SAMMSON: variants seen among roughly 807,000 people sequenced by gnomAD.
The protein encoded by SAMMSON is survival associated mitochondrial melanoma specific oncogenic non-coding RNA.
intron 9 of SAMMSON, among the ~76,000 whole-genome samples, chr3:70,359,232 C>T (rs1467872879): frequency 6.6e-6 from 1 of 152,114 alleles, no homozygotes; most frequent in Non-Finnish European, 1.5e-5. Flanking sequence ...TGGTATGTAA[C>T]TTAATGTGAG....
At chr3:70,132,905 A>C (rs988556699) in intron 4 of SAMMSON, among the ~76,000 whole-genome samples, 1 of 152,156 alleles carries the variant, frequency 6.6e-6, no homozygotes, top group Non-Finnish European at 1.5e-5. Flanking sequence ...GCAAATGTAC[A>C]TTCCCATCGC....
intron 4 of SAMMSON, among the ~76,000 whole-genome samples, chr3:70,243,468 C>T (rs925766773): frequency 6.6e-6 from 1 of 152,190 alleles, no homozygotes; most frequent in Non-Finnish European, 1.5e-5. Context: ...ATCCTACTCA[C>T]TGCACTGCTG....
chr3:70,195,154 G>T lies in SAMMSON; in HGVS notation n.508-53953G>T, dbSNP rs1179860806. Among the ~76,000 whole-genome samples, 3 of 152,090 alleles carry T rather than the reference G, an allele frequency of 2.0e-5. No individual in the cohort carries two copies. The East Asian group carries it at 5.8e-4, about 29-fold the overall frequency. ...GTTCATGGGGCCTCTCTTTTCCCCT[G>T]TGAAATATAAAAAGGTTGCATAAGA... On this transcript the variant is annotated intron_variant and non_coding_transcript_variant, in intron 4 of 9. Transcript: ENST00000642114.
Position 70,206,744 on chromosome 3 carries a change from A to AT in SAMMSON, n.508-42361dup, listed in dbSNP as rs1162214592. 16 of 397,898 alleles carry AT rather than the reference A, an allele frequency of 4.0e-5. No homozygotes were observed. The East Asian group carries it at 5.7e-4, about 14-fold the overall frequency. 24.6% of individuals were successfully genotyped at this position (397,898 alleles called of 1,614,324 possible). On this transcript the variant is annotated intron_variant and non_coding_transcript_variant, in intron 4 of 9. Coordinates refer to ENST00000642114, the Ensembl canonical transcript of SAMMSON. The stretch of plus-strand genomic sequence containing the variant: ...CAGATACTGAATTTATAACAATAGC[A>AT]TTAATGGGTTTCTCATCTGCATGCT...
At chr3:70,035,000 G>C (rs1159665986) in intron 3 of SAMMSON, among the ~76,000 whole-genome samples, 1 of 152,152 alleles carries the variant, frequency 6.6e-6, no homozygotes, top group Non-Finnish European at 1.5e-5. Context: ...TGACCTCACA[G>C]ATATATAGAT....
At chr3:70,138,820 T>C (rs1319517162) in intron 4 of SAMMSON, among the ~76,000 whole-genome samples, 7 of 152,154 alleles carry the variant, frequency 4.6e-5, no homozygotes, top group Admixed American at 1.3e-4. Flanking sequence ...AAATCAAACA[T>C]ATAATGTGCT....
At chr3:70,112,828 GCTGATAT>G (rs1284746750) in intron 4 of SAMMSON, among the ~76,000 whole-genome samples, 1 of 152,162 alleles carries the variant, frequency 6.6e-6, no homozygotes, top group Non-Finnish European at 1.5e-5. Flanking sequence ...AAAGACACTT[GCTGATAT>G]AGCAGACTTG....
intron 4 of SAMMSON, among the ~76,000 whole-genome samples, chr3:70,078,448 A>T (rs2067256521): frequency 6.6e-6 from 1 of 152,000 alleles, no homozygotes; most frequent in South Asian, 2.1e-4. Flanking sequence ...CTGATTCCAG[A>T]TCATGCTTTT....
chr3:70,071,012 C>G (rs1021793206), intron 3 of SAMMSON, among the ~76,000 whole-genome samples: 6 of 151,806 alleles, frequency 4.0e-5, no homozygotes, highest in African/African-American at 1.5e-4. Flanking sequence ...CAATCATTTT[C>G]TTTTTTGACT....
intron 4 of SAMMSON, among the ~76,000 whole-genome samples, chr3:70,137,283 A>T (rs568130926): frequency 2.2e-3 from 334 of 152,312 alleles, no homozygotes; most frequent in Non-Finnish European, 3.9e-3. Context: ...AATTTATTTT[A>T]AAAAAACTCC....
At chr3:70,222,292 C>T (rs6796982) in intron 4 of SAMMSON, among the ~76,000 whole-genome samples, 68,755 of 151,938 alleles carry the variant, frequency 0.45, 15,813 homozygotes, top group East Asian at 0.71. Flanking sequence ...ACTTCAGGTC[C>T]TCTACTTTGG....
chr3:70,239,478 T>G (rs2106640382), intron 4 of SAMMSON, among the ~76,000 whole-genome samples: 2 of 152,200 alleles, frequency 1.3e-5, no homozygotes, highest in South Asian at 2.1e-4. Context: ...TTGAAGTTCA[T>G]GGTTTGATCA....
intron 4 of SAMMSON, among the ~76,000 whole-genome samples, chr3:70,103,333 G>A (rs2067353258): frequency 6.6e-6 from 1 of 152,134 alleles, no homozygotes; most frequent in African/African-American, 2.4e-5. Context: ...CAGATTGAGG[G>A]AGAGGGAAGA....
intron 2 of SAMMSON, among the ~76,000 whole-genome samples, chr3:70,397,453 G>A (rs1378269140): frequency 1.3e-5 from 2 of 152,058 alleles, no homozygotes; most frequent in East Asian, 1.9e-4. Flanking sequence ...ACAGGCACAC[G>A]TCACTATGCC....
intron 4 of SAMMSON, among the ~76,000 whole-genome samples, chr3:70,240,132 A>C (rs1164929282): frequency 3.3e-5 from 5 of 152,258 alleles, no homozygotes; most frequent in Non-Finnish European, 5.9e-5. Flanking sequence ...CTTAATGTAA[A>C]TTTTTAAAAT....
chr3:70,029,998 A>G (rs2067058361), intron 3 of SAMMSON, among the ~76,000 whole-genome samples: 1 of 152,136 alleles, frequency 6.6e-6, no homozygotes, highest in South Asian at 2.1e-4. Flanking sequence ...AAAGAACTTG[A>G]TTTCAATGAT....
chr3:70,262,725 G>A (rs78664213), intron 6 of SAMMSON, among the ~76,000 whole-genome samples: 4,532 of 152,164 alleles, frequency 0.03, 165 homozygotes, highest in East Asian at 0.2. Context: ...TGGAGATTCC[G>A]GGATCTGTAA....
intron 6 of SAMMSON, among the ~76,000 whole-genome samples, chr3:70,250,852 G>T (rs1701758558): frequency 6.6e-6 from 1 of 151,978 alleles, no homozygotes; most frequent in African/African-American, 2.4e-5. Context: ...AGGTTGAATG[G>T]GCAGACTGTC....
Position 70,253,096 on chromosome 3 carries a change from G to A in SAMMSON, n.674+3426G>A, listed in dbSNP as rs574103889. Among the ~76,000 whole-genome samples the A allele has an allele frequency of 6.0e-4, 91 of 151,874 alleles. 1 individual carries two copies. The highest frequency in any genetic ancestry group is 6.8e-3 in the Middle Eastern group (2 of 292). On this transcript the variant is annotated intron_variant and non_coding_transcript_variant, in intron 6 of 9. Coordinates refer to ENST00000642114, the Ensembl canonical transcript of SAMMSON. ...ACTTTGCTCAAAGAAAAAAAAAATC[G>A]AAGAGAAACTAATACCTAAAATAAA...
Sources: allele counts gnomAD v4.1 joint callset (sites outside exome capture counted in the v4.1 genomes callset), GRCh38; gene constraint gnomAD v4.1.1; transcripts MANE v1.5; gene names NCBI Gene and HGNC (gene_info 2026-07-23, HGNC 2026-07-21).